The following MAST4 variants were observed in gnomAD, a reference collection of about 807,000 sequenced individuals.
MAST4 encodes microtubule associated serine/threonine kinase family member 4.
Under a neutral mutation model 162.7 loss-of-function variants are expected in MAST4, and 89 were observed. The ratio of observed to expected loss-of-function variants is 0.55; its 90% CI spans 0.46 to 0.65. The LOEUF is 0.65. MAST4 is among the 30% of genes least tolerant of loss of function. MAST4 has a pLI of 0.00. For missense variants in MAST4, 3,153 were observed against 3,374.0 expected (o/e 0.93, Z 1.62); for synonymous variants, 1,479 against 1,361.1 (o/e 1.09, Z -1.91).
chr5:67,162,863 G>A (rs1773361514), intron 28 of MAST4, 75 bp downstream of exon 28: 3 of 1,419,234 alleles, frequency 2.1e-6, no homozygotes, highest in Admixed American at 4.6e-5. Flanking sequence ...AAAACATGAA[G>A]CTTGTTCCAG....
At chr5:67,049,063 A>ATATATATATATATATATATATACG (rs1757838401) in intron 4 of MAST4, among the ~76,000 whole-genome samples, 11 of 98,554 alleles carry the variant, frequency 1.1e-4, no homozygotes, top group African/African-American at 4.3e-4. Context: ...ATATATACGT[A>ATATATATATATATATATATATACG]TATATATATA....
At position 66,596,591 on chromosome 5, in the gene MAST4, C is replaced by T; in HGVS notation, c.-65C>T. On this transcript the variant is annotated 5_prime_UTR_variant, in exon 1 of 29. Transcript: ENST00000403625. ...CTGAGCCCAGGAGCCCGCGTCTTCC[C>T]CGGGAGGCGCTGAGTGCGCGCCGCG... is the stretch of plus-strand genomic sequence containing the variant. 7.3e-7 allele frequency: 1 copy of T among 1,368,826 alleles called. No individual in the cohort carries two copies. Among genetic ancestry groups the T allele is most frequent in the Non-Finnish European group, 9.4e-7 (1 of 1,065,110 alleles). 84.8% of individuals were successfully genotyped at this position (1,368,826 alleles called of 1,614,324 possible). A position where few individuals can be genotyped will look rare whatever the true frequency, so the allele number is the denominator to read the frequency against.
In MAST4 at chr5:67,162,666, G is replaced by C; in HGVS notation, c.3845G>C (p.Arg1282Pro). The part of the protein sequence containing the change: ...KQPSPLLHTS[R>P]SFSCLNRSLS... ...CCTTCTCCTTTACTCCACACCAGCC[G>C]AAGTTTCTCCTGCTTGAACAGATCC... The change falls in exon 28 of 29, where the codon CGA becomes CCA. Residue 1282 changes from arginine to proline, a missense_variant. Physicochemically the swap from Arg to Pro is moderately radical, Grantham distance 103 (BLOSUM62 -2). Coordinates refer to ENST00000403625, the MANE Select transcript of MAST4 (RefSeq NM_001164664.2). 6.2e-7 allele frequency: 1 copy of C among 1,613,828 alleles called. No individual in the cohort carries two copies. The highest frequency in any genetic ancestry group is 8.5e-7 in the Non-Finnish European group (1 of 1,179,862).
chr5:67,145,119 G>T, intron 22 of MAST4, 25 bp from the exon 23 acceptor site: 2 of 1,543,508 alleles, frequency 1.3e-6, no homozygotes, highest in South Asian at 2.3e-5. Context: ...ATGTATATAT[G>T]ACTTTGTTTT....
intron 3 of MAST4, among the ~76,000 whole-genome samples, chr5:66,823,025 G>A (rs1276227606): frequency 6.6e-6 from 1 of 152,104 alleles, no homozygotes; most frequent in Admixed American, 6.5e-5. Flanking sequence ...GGATCATGGG[G>A]GCAGTTTCCC....
chr5:66,721,286 T>C (rs1663295873), intron 1 of MAST4, among the ~76,000 whole-genome samples: 1 of 152,148 alleles, frequency 6.6e-6, no homozygotes, highest in Non-Finnish European at 1.5e-5. Flanking sequence ...TGCTCTCTCT[T>C]GAACCCAGAC....
At chr5:67,127,595 C>T (rs922158926) in intron 14 of MAST4, among the ~76,000 whole-genome samples, 8 of 151,916 alleles carry the variant, frequency 5.3e-5, no homozygotes, top group East Asian at 1.9e-4. Context: ...GACTTGATCG[C>T]GGTGGATAAA....
At chr5:66,915,120 C>A (rs899300249) in intron 4 of MAST4, among the ~76,000 whole-genome samples, 1 of 151,780 alleles carries the variant, frequency 6.6e-6, no homozygotes, top group African/African-American at 2.4e-5. Flanking sequence ...AAAAATTAGC[C>A]GGGCATGGGG....
intron 3 of MAST4, chr5:66,870,689 T>TC: frequency 2.2e-6 from 1 of 446,116 alleles, no homozygotes; most frequent in Non-Finnish European, 4.6e-6. Flanking sequence ...ACTGTCCCTC[T>TC]CCCTTTTCTG....
At chr5:66,976,540 G>A (rs1261885049) in intron 4 of MAST4, among the ~76,000 whole-genome samples, 3 of 152,230 alleles carry the variant, frequency 2.0e-5, no homozygotes, top group Non-Finnish European at 4.4e-5. Flanking sequence ...TGTGATAGCA[G>A]AAGTATGGAG....
intron 26 of MAST4, among the ~76,000 whole-genome samples, chr5:67,155,328 C>T (rs534545500): frequency 1.3e-5 from 2 of 152,312 alleles, no homozygotes; most frequent in Admixed American, 6.5e-5. Flanking sequence ...ATATGAATCC[C>T]TGACAGTGTC....
intron 1 of MAST4, among the ~76,000 whole-genome samples, chr5:66,647,869 G>C (rs4544786): frequency 0.17 from 25,789 of 152,012 alleles, 2,473 homozygotes; most frequent in South Asian, 0.32. Flanking sequence ...GGATTTTTTA[G>C]TTGAACTTTA....
rs1746287024 is a variant in MAST4 at position 66,963,595 on chromosome 5, T to A, written c.674+63613T>A. 3 of 712,618 alleles carry A rather than the reference T, an allele frequency of 4.2e-6. No individual in the cohort carries two copies. In the East Asian group the frequency reaches 7.4e-5, roughly 18 times the overall value. The allele number at this position is 712,618 out of a possible 1,614,324, so 44.1% of individuals were successfully genotyped here. ...TTAGATGATTACCTAGTGGTGTAGA[T>A]AAGCTTGCCATAGTGATTCTGGCCT... On this transcript the variant is annotated intron_variant, in intron 4 of 28. Transcript: ENST00000403625.
At position 67,056,992 on chromosome 5, in the gene MAST4, C is replaced by A. The variant is rs577973499; in HGVS notation, c.763+2500C>A. ...TGCTGGGATCATAGGCACGAGCCAC[C>A]GCACCGCACCCAGCATTGTTTTTCT... On this transcript the variant is annotated intron_variant, in intron 5 of 28. Coordinates refer to ENST00000403625, the MANE Select transcript of MAST4 (RefSeq NM_001164664.2). 9.9e-4 allele frequency among the ~76,000 whole-genome samples: 150 copies of A among 152,248 alleles called. 1 individual carries two copies. The highest frequency in any genetic ancestry group is 2.2e-3 in the Admixed American group (33 of 15,300).
chr5:66,609,995 C>A (rs1743187392), intron 1 of MAST4, among the ~76,000 whole-genome samples: 1 of 152,014 alleles, frequency 6.6e-6, no homozygotes, highest in Admixed American at 6.5e-5. Context: ...GGTTAGAAGT[C>A]CAAAATCAGG....
intron 4 of MAST4, chr5:66,902,786 G>A (rs189199396): frequency 3.9e-4 from 169 of 430,800 alleles, no homozygotes; most frequent in Non-Finnish European, 5.6e-4. Context: ...TAGACAGCTG[G>A]ATTTTAGCTA....
At position 66,872,021 on chromosome 5, in the gene MAST4, A is replaced by G. The variant is rs193054529; in HGVS notation, c.643-27930A>G. 1.6e-3 allele frequency among the ~76,000 whole-genome samples: 244 copies of G among 152,348 alleles called. 1 individual carries two copies. Among genetic ancestry groups the G allele is most frequent in the African/African-American group, 5.6e-3 (234 of 41,580 alleles). ...ATACTGATTTCACCAATGAAAATCCATTTGAGTATGCCAATTAGCAAAATC... is the reference window on the plus strand; with the variant it reads ...ATACTGATTTCACCAATGAAAATCCGTTTGAGTATGCCAATTAGCAAAATC... On this transcript the variant is annotated intron_variant, in intron 3 of 28. Transcript: ENST00000403625.
At chr5:66,748,089 G>T (rs1016678104) in intron 1 of MAST4, among the ~76,000 whole-genome samples, 1 of 152,088 alleles carries the variant, frequency 6.6e-6, no homozygotes, top group African/African-American at 2.4e-5. Context: ...ACATGACTAG[G>T]TATGTGGGTT....
chr5:66,630,209 A>C (rs2149420369), intron 1 of MAST4, among the ~76,000 whole-genome samples: 1 of 152,348 alleles, frequency 6.6e-6, no homozygotes, highest in Non-Finnish European at 1.5e-5. Flanking sequence ...GGTGAAAACC[A>C]CTGCTCTAGG....
Sources: allele counts gnomAD v4.1 joint callset (sites outside exome capture counted in the v4.1 genomes callset), GRCh38; gene constraint gnomAD v4.1.1; transcripts MANE v1.5; gene names NCBI Gene and HGNC (gene_info 2026-07-23, HGNC 2026-07-21).